Variants in EPHA7 observed in about 807,000 individuals in gnomAD.
EPHA7 encodes EPH receptor A7.
EPHA7 carries 25 observed loss-of-function variants against 112.6 expected under a neutral mutation model. The ratio of observed to expected loss-of-function variants is 0.22; its 90% CI spans 0.16 to 0.31. The LOEUF (loss-of-function observed/expected upper bound fraction) is 0.31. EPHA7 is among the 10% of genes least tolerant of loss of function. EPHA7 has a pLI of 1.00. For missense variants in EPHA7, 962 were observed against 1,212.6 expected, an observed-to-expected ratio of 0.79 and a Z score of 3.07; for synonymous variants, 437 against 406.5, an observed-to-expected ratio of 1.07 and a Z score of -0.90.
intron 12 of EPHA7, among the ~76,000 whole-genome samples, chr6:93,256,863 T>G: frequency 6.6e-6 from 1 of 152,146 alleles, no homozygotes; most frequent in Non-Finnish European, 1.5e-5. Context: ...GTTCTCTTTT[T>G]CTTTAGATTA....
intron 3 of EPHA7, among the ~76,000 whole-genome samples, chr6:93,408,704 A>G (rs1319447813): frequency 6.6e-6 from 1 of 152,146 alleles, no homozygotes; most frequent in Non-Finnish European, 1.5e-5. Context: ...TAGGTACTTT[A>G]CATGCTTAGC....
chr6:93,337,749 GAAGT>G (rs1380305277), intron 5 of EPHA7, among the ~76,000 whole-genome samples: 18 of 152,110 alleles, frequency 1.2e-4, no homozygotes, highest in African/African-American at 2.2e-4. Context: ...CTCAGAAAGA[GAAGT>G]AAGTATCACA....
chr6:93,373,663 T>C (rs1776911724), intron 3 of EPHA7, among the ~76,000 whole-genome samples: 1 of 152,048 alleles, frequency 6.6e-6, no homozygotes, highest in Non-Finnish European at 1.5e-5. Context: ...TCAAGATTAG[T>C]AGTATTTTTA....
chr6:93,247,031 T>G (rs986033484), intron 14 of EPHA7, 46 bp from the exon 15 acceptor site: 6 of 1,482,816 alleles, frequency 4.0e-6, no homozygotes, highest in Non-Finnish European at 5.5e-6. Flanking sequence ...TTAGGTTCAA[T>G]TATAATAAAC....
intron 3 of EPHA7, among the ~76,000 whole-genome samples, chr6:93,391,158 T>C (rs540450922): frequency 1.3e-5 from 2 of 151,990 alleles, no homozygotes; most frequent in Non-Finnish European, 2.9e-5. Flanking sequence ...AAGTGTACTC[T>C]GAAAAGTACA....
chr6:93,282,710 T>C (rs1295341324), intron 5 of EPHA7, among the ~76,000 whole-genome samples: 2 of 152,058 alleles, frequency 1.3e-5, no homozygotes, highest in African/African-American at 2.4e-5. Context: ...GAGTTCCCGG[T>C]GGGCGTGGGC....
At chr6:93,307,710 A>G (rs1275339490) in intron 5 of EPHA7, among the ~76,000 whole-genome samples, 1 of 152,144 alleles carries the variant, frequency 6.6e-6, no homozygotes, top group Non-Finnish European at 1.5e-5. Flanking sequence ...ATGCACATAT[A>G]TTACATATTC....
chr6:93,359,874 G>GAGAGATAGATAGATAGATAGATAGAT (rs1462833873), intron 3 of EPHA7, among the ~76,000 whole-genome samples: 1 of 127,850 alleles, frequency 7.8e-6, no homozygotes, highest in African/African-American at 2.9e-5. Flanking sequence ...GAGAGAGAGA[G>GAGAGATAGATAGATAGATAGATAGAT]AGATAGATAG....
At chr6:93,387,924 C>CAGACAGACAGACAGAT (rs1310430859) in intron 3 of EPHA7, among the ~76,000 whole-genome samples, 35 of 145,678 alleles carry the variant, frequency 2.4e-4, no homozygotes, top group Middle Eastern at 3.5e-3. Context: ...GATAGATAGA[C>CAGACAGACAGACAGAT]AGATAGATAG....
intron 5 of EPHA7, among the ~76,000 whole-genome samples, chr6:93,316,189 T>C (rs60546311): frequency 0.062 from 9,424 of 152,224 alleles, 405 homozygotes; most frequent in African/African-American, 0.12. Context: ...CCTCAAACCA[T>C]AACTGGTAAG....
intron 5 of EPHA7, among the ~76,000 whole-genome samples, chr6:93,278,065 C>A (rs1389363517): frequency 6.6e-6 from 1 of 151,980 alleles, no homozygotes; most frequent in Non-Finnish European, 1.5e-5. Context: ...TCTGACAATA[C>A]ATCTTTCTGA....
At position 93,349,044 on chromosome 6, in the gene EPHA7, C is replaced by A. The variant is rs1381646291; in HGVS notation, c.1324+7673G>T. Among the ~76,000 whole-genome samples, 4 of 151,732 alleles carry A rather than the reference C, an allele frequency of 2.6e-5. 1 individual carries two copies. The highest frequency in any genetic ancestry group is 4.1e-4 in the South Asian group (2 of 4,820). ...AAATTCGGAATGTGAAGATACTGTG[C>A]AAACATATGGGCCTTTACGTGTAAA... On this transcript the variant is annotated intron_variant, in intron 5 of 16. Transcript: ENST00000369303.
At chr6:93,270,595 G>T (rs914886136) in intron 6 of EPHA7, among the ~76,000 whole-genome samples, 2 of 151,672 alleles carry the variant, frequency 1.3e-5, no homozygotes, top group Non-Finnish European at 3.0e-5. Flanking sequence ...AAATACATGT[G>T]TTCAACTTTA....
At chr6:93,397,041 T>C (rs974750013) in intron 3 of EPHA7, among the ~76,000 whole-genome samples, 81 of 151,872 alleles carry the variant, frequency 5.3e-4, no homozygotes, top group Non-Finnish European at 5.9e-4. Context: ...ATTATCAAAT[T>C]ATAGTTGAAA....
chr6:93,356,886 G>A lies in EPHA7; in HGVS notation c.1155C>T (p.Asn385=), dbSNP rs918912377. The A allele has an allele frequency of 1.9e-6, 3 of 1,614,118 alleles. No individual in the cohort carries two copies. The highest frequency in any genetic ancestry group is 1.7e-6 in the Non-Finnish European group (2 of 1,180,020). Residue 385 remains asparagine, a synonymous_variant, in exon 5 of 17, where the codon AAC becomes AAT. Coordinates refer to ENST00000369303, the MANE Select transcript of EPHA7 (RefSeq NM_004440.4). ...CAGTCTGCTGGGGCATGTATCCAAT[G>A]TTACTCCCACAGGGAACACATTCGC... ...EQGECVPCGS[N]IGYMPQQTGL...
chr6:93,316,007 T>TA (rs1208597312), intron 5 of EPHA7, among the ~76,000 whole-genome samples: 39 of 152,290 alleles, frequency 2.6e-4, no homozygotes, highest in Middle Eastern at 3.4e-3. Flanking sequence ...GTCAAAGAAA[T>TA]GGCTCAGCTA....
chr6:93,348,962 C>T (rs1775551627), intron 5 of EPHA7, among the ~76,000 whole-genome samples: 1 of 151,660 alleles, frequency 6.6e-6, no homozygotes, highest in South Asian at 2.1e-4. Context: ...ATATATGATA[C>T]ACTTAGTATA....
intron 5 of EPHA7, among the ~76,000 whole-genome samples, chr6:93,317,500 A>G (rs992005866): frequency 5.9e-5 from 9 of 152,162 alleles, no homozygotes; most frequent in African/African-American, 2.2e-4. Context: ...TCTCAGATAC[A>G]TTTTTCAGGT....
chr6:93,303,282 T>C (rs889983943), intron 5 of EPHA7, among the ~76,000 whole-genome samples: 1 of 152,172 alleles, frequency 6.6e-6, no homozygotes, highest in African/African-American at 2.4e-5. Context: ...TGTTAAGCAC[T>C]TCTCACTACA....
Sources: allele counts gnomAD v4.1 joint callset (sites outside exome capture counted in the v4.1 genomes callset), GRCh38; gene constraint gnomAD v4.1.1; transcripts MANE v1.5; gene names NCBI Gene and HGNC (gene_info 2026-07-23, HGNC 2026-07-21).